SPPL3: variants seen among roughly 807,000 people sequenced by gnomAD.
SPPL3 encodes the protein signal peptide peptidase-like 3.
In SPPL3, 5 loss-of-function variants were observed where a neutral mutation model predicts 42.4. The ratio of observed to expected loss-of-function variants is 0.12; its 90% confidence interval spans 0.06 to 0.25. The LOEUF is 0.25. Among genes scored for constraint, SPPL3 ranks in the 10% least tolerant of loss-of-function variants. The pLI, the probability that SPPL3 is intolerant of heterozygous loss-of-function variation, is 1.00. For synonymous variants in SPPL3, 195 were observed against 181.8 expected, an observed-to-expected ratio of 1.07 and a Z score of -0.58; for missense variants, 235 against 489.0, an observed-to-expected ratio of 0.48 and a Z score of 4.90.
chr12:120,866,026 T>A (rs1324181470), intron 1 of SPPL3, among the ~76,000 whole-genome samples: 3 of 152,194 alleles, frequency 2.0e-5, no homozygotes, highest in South Asian at 2.1e-4. Context: ...CGATGATCTG[T>A]CACTGATTCC....
chr12:120,903,858 G>T lies in SPPL3; in HGVS notation c.10C>A (p.Gln4Lys), dbSNP rs762064930. Residue 4 changes from glutamine to lysine, a missense_variant, in exon 1 of 11, where the codon CAG becomes AAG. Physicochemically the swap from Gln to Lys is moderately conservative, Grantham distance 53 (BLOSUM62 1). Transcript: ENST00000353487. ...CCCCGCACTCACCACGAGTAGGTCT[G>T]CTCCGCCATGGCGCTGCCTCTCGTG... is the stretch of plus-strand genomic sequence containing the variant. Reference protein sequence around the residue: MAEQTYSWAYSLVD... With the variant: MAEKTYSWAYSLVD... 4.8e-6 allele frequency: 7 copies of T among 1,458,996 alleles called. No individual in the cohort carries two copies. In the Admixed American group the frequency reaches 1.2e-4, roughly 25 times the overall value. 90.4% of individuals were successfully genotyped at this position (1,458,996 alleles called of 1,614,324 possible).
chr12:120,814,489 G>C (rs1192871440), intron 1 of SPPL3, among the ~76,000 whole-genome samples: 1 of 152,168 alleles, frequency 6.6e-6, no homozygotes, highest in Non-Finnish European at 1.5e-5. Context: ...TTAGGAAAAT[G>C]AACTTCATCA....
intron 1 of SPPL3, among the ~76,000 whole-genome samples, chr12:120,833,682 A>C (rs60108167): frequency 5.0e-5 from 3 of 59,472 alleles, no homozygotes; most frequent in Admixed American, 2.3e-4. Context: ...AAAAAAAAAG[A>C]AAAAAAAAAA....
At chr12:120,887,313 T>C (rs1873497573) in intron 1 of SPPL3, among the ~76,000 whole-genome samples, 1 of 152,174 alleles carries the variant, frequency 6.6e-6, no homozygotes, top group Admixed American at 6.5e-5. Flanking sequence ...ACATTACATA[T>C]ATACCATATA....
At chr12:120,777,768 G>A (rs924824973) in intron 6 of SPPL3, among the ~76,000 whole-genome samples, 1 of 152,222 alleles carries the variant, frequency 6.6e-6, no homozygotes, top group African/African-American at 2.4e-5. Flanking sequence ...CTGCTTATAT[G>A]CATAGTGGGT....
intron 1 of SPPL3, among the ~76,000 whole-genome samples, chr12:120,862,918 A>C (rs567565099): frequency 6.6e-6 from 1 of 152,324 alleles, no homozygotes; most frequent in Admixed American, 6.5e-5. Flanking sequence ...TCATTAGCAT[A>C]AACTCAGGTA....
chr12:120,899,603 A>G (rs1873911700), intron 1 of SPPL3, among the ~76,000 whole-genome samples: 1 of 152,136 alleles, frequency 6.6e-6, no homozygotes, highest in Non-Finnish European at 1.5e-5. Context: ...TTAAAAATAA[A>G]AAGATCGCCG....
intron 2 of SPPL3, among the ~76,000 whole-genome samples, chr12:120,804,012 A>C (rs750770277): frequency 1.8e-4 from 28 of 152,218 alleles, no homozygotes; most frequent in Non-Finnish European, 3.1e-4. Context: ...CATCACAATC[A>C]TATCAAGTAT....
intron 1 of SPPL3, among the ~76,000 whole-genome samples, chr12:120,834,941 G>A (rs1206917352): frequency 6.6e-6 from 1 of 152,128 alleles, no homozygotes; most frequent in Non-Finnish European, 1.5e-5. Flanking sequence ...TAATACTTTA[G>A]AGATGGAAGA....
At chr12:120,842,430 A>T (rs895420951) in intron 1 of SPPL3, among the ~76,000 whole-genome samples, 4 of 152,190 alleles carry the variant, frequency 2.6e-5, no homozygotes, top group Non-Finnish European at 5.9e-5. Flanking sequence ...AATGTTCCCC[A>T]AAAACATGGT....
In SPPL3 at chr12:120,889,782, A is replaced by G. The variant is rs183820116; in HGVS notation, c.23+14063T>C. On this transcript the variant is annotated intron_variant, in intron 1 of 10. Coordinates refer to ENST00000353487, the MANE Select transcript of SPPL3 (RefSeq NM_139015.5). ...ACTGTGTTATGAAGAGGTCCTACAAATTAAATAGTGATTGTTATGAAGGTA... is the reference window on the plus strand; with the variant it reads ...ACTGTGTTATGAAGAGGTCCTACAAGTTAAATAGTGATTGTTATGAAGGTA... Among the ~76,000 whole-genome samples, 327 of 142,434 alleles carry G rather than the reference A, an allele frequency of 2.3e-3. 1 individual carries two copies. The highest frequency in any genetic ancestry group is 7.6e-3 in the African/African-American group (312 of 41,150). 93.4% of individuals were successfully genotyped at this position (142,434 alleles called of 152,430 possible).
intron 1 of SPPL3, among the ~76,000 whole-genome samples, chr12:120,823,745 C>T (rs927191873): frequency 7.2e-5 from 11 of 152,228 alleles, no homozygotes; most frequent in African/African-American, 2.4e-4. Flanking sequence ...GTGCCCAGCA[C>T]TGTCCTAAGA....
intron 1 of SPPL3, among the ~76,000 whole-genome samples, chr12:120,884,810 T>G (rs74791415): frequency 1.0e-4 from 10 of 98,974 alleles, no homozygotes; most frequent in Non-Finnish European, 1.7e-4. Flanking sequence ...TTTTTTGGGT[T>G]TTTTTTTTTT....
chr12:120,786,751 C>A (rs1869735171), intron 3 of SPPL3, among the ~76,000 whole-genome samples: 3 of 151,922 alleles, frequency 2.0e-5, no homozygotes, highest in Non-Finnish European at 4.4e-5. Flanking sequence ...AAAACAATGT[C>A]CATGACTTCA....
chr12:120,782,572 G>C (rs2393717), intron 6 of SPPL3, 83 bp downstream of exon 6: 568,496 of 1,080,362 alleles, frequency 0.53, 154,687 homozygotes, highest in Admixed American at 0.65. Flanking sequence ...TGTAGTGATG[G>C]TTGTACAGCT....
intron 3 of SPPL3, among the ~76,000 whole-genome samples, chr12:120,789,454 A>AAAAAAAAAAG (rs1869836804): frequency 2.0e-5 from 3 of 151,216 alleles, no homozygotes; most frequent in African/African-American, 7.3e-5. Flanking sequence ...TCTGTCTCAA[A>AAAAAAAAAAG]AAAAAAAAGA....
intron 6 of SPPL3, among the ~76,000 whole-genome samples, chr12:120,781,554 CGTTTTTTTTTTTTT>C (rs1214485227): frequency 5.8e-5 from 4 of 69,162 alleles, no homozygotes; most frequent in Non-Finnish European, 1.1e-4. Flanking sequence ...CTTATTGTTA[CGTTTTTTTTTTTTT>C]TTTTTTTTTT....
chr12:120,767,474 C>T lies in SPPL3; in HGVS notation c.893G>A (p.Gly298Glu). The change falls in exon 9 of 11, where the codon GGG becomes GAG. Residue 298 changes from glycine to glutamate, a missense_variant. By Grantham distance (98) the Gly-to-Glu change is moderately conservative. Around this residue, in one of 6 missense-constraint regions of SPPL3, gnomAD observed 29 missense variants for 16.4 expected, o/e 1.77. Transcript: ENST00000353487. ...GGAGATGTTGGCAGGTCCAGGGGCC[C>T]CACAGGAGTCCCCACTGGCTTGCTT... ...YKKQASGDSCGAPGPANISGR... is the reference protein window; with the variant it reads ...YKKQASGDSCEAPGPANISGR... The T allele has an allele frequency of 6.2e-7, 1 of 1,614,160 alleles. No homozygotes were observed. Among genetic ancestry groups the T allele is most frequent in the South Asian group, 1.1e-5 (1 of 91,068 alleles).
intron 1 of SPPL3, chr12:120,902,054 C>T: frequency 3.6e-6 from 1 of 277,976 alleles, no homozygotes; most frequent in Non-Finnish European, 5.5e-6. Context: ...CAAGGCATGA[C>T]AGAAACACCT....
Sources: allele counts gnomAD v4.1 joint callset (sites outside exome capture counted in the v4.1 genomes callset), GRCh38; gene constraint gnomAD v4.1.1; regional missense constraint gnomAD v4.1.1; transcripts MANE v1.5; gene names NCBI Gene and HGNC (gene_info 2026-07-23, HGNC 2026-07-21).